CSMD1: variants seen among roughly 807,000 people sequenced by gnomAD.
CSMD1 encodes CUB and sushi domain-containing protein 1.
In CSMD1, 213 loss-of-function variants were observed where a neutral mutation model predicts 417.5. That is an observed-to-expected ratio of 0.51 (90% CI 0.46 to 0.57). The LOEUF (loss-of-function observed/expected upper bound fraction) is 0.57. Ranked by LOEUF, CSMD1 falls within the 20% of genes least tolerant of loss-of-function variation. The pLI, the probability that CSMD1 is intolerant of heterozygous loss-of-function variation, is 0.00. For synonymous variants in CSMD1, 2,862 were observed against 1,736.8 expected (o/e 1.65, Z -16.11); for missense variants, 6,923 against 4,529.7 (o/e 1.53, Z -15.17).
intron 49 of CSMD1, among the ~76,000 whole-genome samples, chr8:3,081,666 T>C (rs532377792): frequency 5.9e-5 from 9 of 152,204 alleles, no homozygotes; most frequent in Non-Finnish European, 1.0e-4. Flanking sequence ...ACTGTCAGAG[T>C]CTAAACTGTT....
chr8:3,966,933 A>G (rs79287279), intron 5 of CSMD1, among the ~76,000 whole-genome samples: 30 of 152,212 alleles, frequency 2.0e-4, no homozygotes, highest in Non-Finnish European at 4.0e-4. Context: ...GCTGGTCTTT[A>G]TGATCAAGAG....
At chr8:4,266,850 A>T (rs1156275912) in intron 3 of CSMD1, among the ~76,000 whole-genome samples, 1 of 105,018 alleles carries the variant, frequency 9.5e-6, no homozygotes, top group Non-Finnish European at 2.6e-5. Context: ...TAAAAATATG[A>T]TTCAATATTT....
intron 5 of CSMD1, among the ~76,000 whole-genome samples, chr8:3,945,178 C>CAAAAAAAAAAAA (rs138900503): frequency 1.3e-4 from 15 of 118,904 alleles, no homozygotes; most frequent in South Asian, 2.6e-4. Context: ...ATGAGAAAGA[C>CAAAAAAAAAAAA]AAAAAAAAAA....
chr8:4,069,760 T>G (rs1305473873), intron 3 of CSMD1, among the ~76,000 whole-genome samples: 2 of 152,150 alleles, frequency 1.3e-5, no homozygotes, highest in African/African-American at 4.8e-5. Flanking sequence ...CTACTTCACC[T>G]TTATCTTCCA....
chr8:4,093,484 T>C (rs1049215587), intron 3 of CSMD1, among the ~76,000 whole-genome samples: 9 of 152,178 alleles, frequency 5.9e-5, no homozygotes, highest in East Asian at 1.9e-4. Flanking sequence ...AGAAGTTACA[T>C]AGATGTTATG....
intron 25 of CSMD1, among the ~76,000 whole-genome samples, chr8:3,287,785 A>G (rs1246620451): frequency 6.6e-6 from 1 of 151,732 alleles, no homozygotes; most frequent in Non-Finnish European, 1.5e-5. Context: ...CTAATTGAAT[A>G]CTCTTTATTT....
intron 2 of CSMD1, among the ~76,000 whole-genome samples, chr8:4,576,514 C>G (rs1183354172): frequency 6.6e-6 from 1 of 152,176 alleles, no homozygotes; most frequent in Non-Finnish European, 1.5e-5. Flanking sequence ...TAACTCTCTC[C>G]TACTATACCA....
intron 1 of CSMD1, among the ~76,000 whole-genome samples, chr8:4,726,660 C>A (rs1809476961): frequency 6.6e-6 from 1 of 152,192 alleles, no homozygotes; most frequent in Non-Finnish European, 1.5e-5. Flanking sequence ...CATCCTCCCT[C>A]CTCTGTTGCT....
Position 3,096,835 on chromosome 8 carries a change from T to C in CSMD1, c.7138+14A>G. 6.6e-7 allele frequency: 1 copy of C among 1,526,686 alleles called. No homozygotes were observed. Among genetic ancestry groups the C allele is most frequent in the Non-Finnish European group, 8.9e-7 (1 of 1,129,238 alleles). 94.6% of individuals were successfully genotyped at this position (1,526,686 alleles called of 1,614,324 possible). On this transcript the variant is annotated intron_variant, in intron 47 of 69. Transcript: ENST00000635120. ...TGCCGAGGTCACTGCTCTACAAAGA[T>C]TAAAGAAACTTACCATCAAACACTT... is the stretch of plus-strand genomic sequence containing the variant.
chr8:2,987,405 C>T (rs1456479483), intron 54 of CSMD1, among the ~76,000 whole-genome samples: 1 of 147,824 alleles, frequency 6.8e-6, no homozygotes, highest in African/African-American at 2.5e-5. Flanking sequence ...AGAAATATTT[C>T]TTTCTATATA....
chr8:4,572,905 A>G lies in CSMD1; in HGVS notation c.302+64437T>C, dbSNP rs944900544. 1.3e-4 allele frequency among the ~76,000 whole-genome samples: 20 copies of G among 152,188 alleles called. 1 individual carries two copies. Among genetic ancestry groups the G allele is most frequent in the South Asian group, 8.3e-4 (4 of 4,816 alleles). On this transcript the variant is annotated intron_variant, in intron 2 of 69. Transcript: ENST00000635120. ...TGATATCCTTTCTTCCGCTTGATCA[A>G]TTCGGCTACTGATACTTGTGTATGC...
At chr8:4,449,699 A>T (rs1799017767) in intron 2 of CSMD1, among the ~76,000 whole-genome samples, 1 of 152,130 alleles carries the variant, frequency 6.6e-6, no homozygotes, top group African/African-American at 2.4e-5. Context: ...AGGGAGAGAG[A>T]GGGAGTATGG....
chr8:4,098,356 C>T (rs1397516479), intron 3 of CSMD1, among the ~76,000 whole-genome samples: 1 of 152,022 alleles, frequency 6.6e-6, no homozygotes, highest in Non-Finnish European at 1.5e-5. Flanking sequence ...TAGTGTTGAT[C>T]TTCACTATTT....
At chr8:3,991,464 G>A (rs1003473724) in intron 5 of CSMD1, among the ~76,000 whole-genome samples, 1 of 152,144 alleles carries the variant, frequency 6.6e-6, no homozygotes, top group Non-Finnish European at 1.5e-5. Context: ...TGTCCTCTTA[G>A]AAGCCTGATA....
At chr8:3,978,393 T>C (rs2130152757) in intron 5 of CSMD1, among the ~76,000 whole-genome samples, 1 of 152,322 alleles carries the variant, frequency 6.6e-6, no homozygotes, top group Middle Eastern at 3.4e-3. Flanking sequence ...TCATAATTCA[T>C]AGATTTCTTC....
intron 4 of CSMD1, among the ~76,000 whole-genome samples, chr8:4,024,965 G>T (rs1023695771): frequency 6.6e-6 from 1 of 152,238 alleles, no homozygotes; most frequent in East Asian, 1.9e-4. Context: ...TCTGAAGTAC[G>T]ATTGGCCTGG....
chr8:3,720,345 G>C (rs1313338450), intron 6 of CSMD1, among the ~76,000 whole-genome samples: 1 of 152,172 alleles, frequency 6.6e-6, no homozygotes, highest in Admixed American at 6.5e-5. Flanking sequence ...AAGTGACTTT[G>C]GCAACTCCTG....
At chr8:4,334,121 G>C (rs192523965) in intron 3 of CSMD1, among the ~76,000 whole-genome samples, 2 of 151,982 alleles carry the variant, frequency 1.3e-5, no homozygotes, top group African/African-American at 4.8e-5. Flanking sequence ...TAACCAAGCT[G>C]GTCTCAAACT....
intron 16 of CSMD1, 105 bp downstream of exon 16, chr8:3,399,286 G>T (rs1035017333): frequency 9.3e-7 from 1 of 1,071,264 alleles, no homozygotes; most frequent in Non-Finnish European, 1.3e-6. Flanking sequence ...TCCTATGCGG[G>T]AACCGAAAAA....
Sources: gnomAD v4.1 joint callset for allele counts (sites outside exome capture counted in the v4.1 genomes callset) on GRCh38, gnomAD v4.1.1 for gene constraint, MANE v1.5 for transcripts, NCBI Gene and HGNC (gene_info 2026-07-23, HGNC 2026-07-21) for gene names.